The following ZDHHC3 variants were observed in gnomAD, a reference collection of about 807,000 sequenced individuals.
ZDHHC3 encodes zDHHC palmitoyltransferase 3.
A neutral mutation model predicts 30.6 loss-of-function variants in ZDHHC3; 9 were observed. That is an observed-to-expected ratio of 0.29 (90% CI 0.18 to 0.51). The LOEUF (loss-of-function observed/expected upper bound fraction) is 0.51. Ranked by LOEUF, ZDHHC3 falls within the 20% of genes least tolerant of loss-of-function variation. The pLI is 0.97. For missense variants in ZDHHC3, 246 were observed against 384.2 expected (o/e 0.64, Z 3.01); for synonymous variants, 136 against 140.2 (o/e 0.97, Z 0.21).
intron 6 of ZDHHC3, among the ~76,000 whole-genome samples, chr3:44,928,521 T>C (rs1575782402): frequency 6.6e-6 from 1 of 152,162 alleles, no homozygotes; most frequent in East Asian, 1.9e-4. Context: ...ACCTCATGGC[T>C]CTGCTTGTTC....
intron 2 of ZDHHC3, among the ~76,000 whole-genome samples, chr3:44,955,460 T>C (rs1703861935): frequency 6.8e-6 from 1 of 146,718 alleles, no homozygotes; most frequent in African/African-American, 2.5e-5. Flanking sequence ...AAGGTTTTTA[T>C]ATATATATAT....
intron 1 of ZDHHC3, among the ~76,000 whole-genome samples, chr3:44,964,337 A>G (rs1704742980): frequency 6.6e-6 from 1 of 152,226 alleles, no homozygotes; most frequent in South Asian, 2.1e-4. Context: ...CAAGTGAAGC[A>G]TACTGCTTAC....
rs1700355104 is a variant in ZDHHC3, at chr3:44,918,409, C to T, written c.*8280G>A. On this transcript the variant is annotated 3_prime_UTR_variant, in exon 7 of 7. Coordinates refer to ENST00000424952, the MANE Select transcript of ZDHHC3 (RefSeq NM_001135179.2). ...CTGGTGGACTGACGTGTTCTCCACC[C>T]ACCACCCAGCCCTCCCCTTCTTTCC... 1 of 985,238 alleles carries T rather than the reference C, an allele frequency of 1.0e-6. No individual in the cohort carries two copies. The highest frequency in any genetic ancestry group is 6.2e-5 in the Admixed American group (1 of 16,246). The allele number at this position is 985,238 out of a possible 1,614,324, so 61.0% of individuals were successfully genotyped here. A position where few individuals can be genotyped will look rare whatever the true frequency, so the allele number is the denominator to read the frequency against.
intron 6 of ZDHHC3, 88 bp from the exon 7 acceptor site, chr3:44,926,935 G>A (rs1701042202): frequency 4.2e-6 from 6 of 1,438,654 alleles, no homozygotes; most frequent in Admixed American, 2.6e-5. Context: ...GGTGAATGGA[G>A]TAAATGTTTC....
At chr3:44,947,843 A>G (rs956559477) in intron 2 of ZDHHC3, among the ~76,000 whole-genome samples, 2 of 152,206 alleles carry the variant, frequency 1.3e-5, no homozygotes, top group African/African-American at 4.8e-5. Context: ...GTATGACACA[A>G]AGTGAAAGGT....
At chr3:44,929,509 G>A (rs1701305342) in intron 5 of ZDHHC3, 73 bp from the exon 6 acceptor site, 4 of 1,581,006 alleles carry the variant, frequency 2.5e-6, no homozygotes, top group Non-Finnish European at 3.4e-6. Flanking sequence ...TGCCCCACTA[G>A]GCGCCCACTC....
In ZDHHC3 at chr3:44,926,080, C is replaced by A; in HGVS notation, c.*609G>T. ...CTCCCCCGCAAAATCATTCTACACACCCCAAGCCCATAAAGTACAAGGCAG... is the reference window on the plus strand; with the variant it reads ...CTCCCCCGCAAAATCATTCTACACAACCCAAGCCCATAAAGTACAAGGCAG... On this transcript the variant is annotated 3_prime_UTR_variant, in exon 7 of 7. Coordinates refer to ENST00000424952, the MANE Select transcript of ZDHHC3 (RefSeq NM_001135179.2). The A allele has an allele frequency of 1.0e-6, 1 of 985,906 alleles. No individual in the cohort carries two copies. The allele number at this position is 985,906 out of a possible 1,614,324, so 61.1% of individuals were successfully genotyped here. A position where few individuals can be genotyped will look rare whatever the true frequency, so the allele number is the denominator to read the frequency against.
In ZDHHC3 at chr3:44,947,502, T is replaced by C. The variant is rs138762433; in HGVS notation, c.307-2210A>G. On this transcript the variant is annotated intron_variant, in intron 2 of 6. Coordinates refer to ENST00000424952, the MANE Select transcript of ZDHHC3 (RefSeq NM_001135179.2). ...GACTCATCTTATCTAATTCCCAGCATTACTGAGAAGGTTAAACTAGACATA... is the reference window on the plus strand; with the variant it reads ...GACTCATCTTATCTAATTCCCAGCACTACTGAGAAGGTTAAACTAGACATA... Among the ~76,000 whole-genome samples the C allele has an allele frequency of 7.6e-4, 116 of 152,312 alleles. 5 individuals are homozygous for C. The East Asian group carries it at 0.014, about 18-fold the overall frequency.
At position 44,976,165 on chromosome 3, in the gene ZDHHC3, C is replaced by T. The variant is rs1705986575; in HGVS notation, c.-257G>A. On this transcript the variant is annotated 5_prime_UTR_variant, in exon 1 of 7. Coordinates refer to ENST00000424952, the MANE Select transcript of ZDHHC3 (RefSeq NM_001135179.2). ...CGGCCGCGGCTGCAGGAGCGGCCGCCGCGCAGGTTGATGACGCGCTGACGC... is the reference window on the plus strand; with the variant it reads ...CGGCCGCGGCTGCAGGAGCGGCCGCTGCGCAGGTTGATGACGCGCTGACGC... 2.1e-6 allele frequency: 2 copies of T among 951,196 alleles called. No homozygotes were observed. The highest frequency in any genetic ancestry group is 3.0e-5 in the South Asian group (1 of 32,982). The allele number at this position is 951,196 out of a possible 1,614,324, so 58.9% of individuals were successfully genotyped here.
In ZDHHC3 at chr3:44,933,991, C is replaced by G. The variant is rs1478366365; in HGVS notation, c.432-7G>C. 6.2e-7 allele frequency: 1 copy of G among 1,614,134 alleles called. No individual in the cohort carries two copies. The highest frequency in any genetic ancestry group is 1.3e-5 in the African/African-American group (1 of 75,050). Reference sequence around the variant, plus strand: ...AATGCACCGCTTACAAACACTGAAACAGCCCACAGGTCAGACCTTTAGGGC... The same window carrying G: ...AATGCACCGCTTACAAACACTGAAAGAGCCCACAGGTCAGACCTTTAGGGC... On this transcript the variant is annotated splice_polypyrimidine_tract_variant and splice_region_variant and intron_variant, in intron 3 of 6. Transcript: ENST00000424952.
intron 4 of ZDHHC3, chr3:44,933,596 G>T: frequency 1.8e-6 from 1 of 544,314 alleles, no homozygotes; most frequent in Non-Finnish European, 3.3e-6. Flanking sequence ...AGGATTTGAG[G>T]TCATCACCCA....
chr3:44,958,701 G>A (rs1334452815), intron 2 of ZDHHC3: 3 of 1,533,466 alleles, frequency 2.0e-6, no homozygotes, highest in Non-Finnish European at 2.6e-6. Flanking sequence ...ATTGGATGTG[G>A]CTTTAATTTC....
rs371409476 is a variant in ZDHHC3 at position 44,926,836 on chromosome 3, T to C, written c.753A>G (p.Gln251=). ...SICTDETGIE[Q]LKKEERRWAK... ...CCCATCTTCTCTCTTCCTTTTTCAA[T>C]TGTTCTATTCCCTGAAAACAAGAAC... is the stretch of plus-strand genomic sequence containing the variant. The change falls in exon 7 of 7, where the codon CAA becomes CAG. Residue 251 remains glutamine (Q), a synonymous_variant. Coordinates refer to ENST00000424952, the MANE Select transcript of ZDHHC3 (RefSeq NM_001135179.2). 4.5e-5 allele frequency: 72 copies of C among 1,609,092 alleles called. No individual in the cohort carries two copies. Among genetic ancestry groups the C allele is most frequent in the Non-Finnish European group, 5.3e-5 (63 of 1,177,796 alleles).
At chr3:44,935,631 A>C (rs1425980136) in intron 3 of ZDHHC3, among the ~76,000 whole-genome samples, 1 of 152,220 alleles carries the variant, frequency 6.6e-6, no homozygotes, top group African/African-American at 2.4e-5. Flanking sequence ...GGAATGACAC[A>C]CACCCTATAG....
intron 1 of ZDHHC3, among the ~76,000 whole-genome samples, chr3:44,972,280 T>C (rs1036297208): frequency 6.6e-6 from 1 of 152,150 alleles, no homozygotes; most frequent in Non-Finnish European, 1.5e-5. Context: ...CTGACCAACA[T>C]GGCCAAACCC....
intron 3 of ZDHHC3, among the ~76,000 whole-genome samples, chr3:44,939,936 GC>G (rs1702297708): frequency 6.6e-6 from 1 of 152,170 alleles, no homozygotes; most frequent in Non-Finnish European, 1.5e-5. Context: ...TTCTCCTTGG[GC>G]CAGGTGGTAT....
intron 3 of ZDHHC3, among the ~76,000 whole-genome samples, chr3:44,944,711 A>G (rs149832944): frequency 2.4e-4 from 36 of 152,366 alleles, no homozygotes; most frequent in African/African-American, 7.5e-4. Flanking sequence ...TAATTCTGCA[A>G]CTATCATAAC....
chr3:44,950,115 G>T (rs1703310281), intron 2 of ZDHHC3, among the ~76,000 whole-genome samples: 1 of 152,206 alleles, frequency 6.6e-6, no homozygotes, highest in Non-Finnish European at 1.5e-5. Context: ...GATTACAGGG[G>T]TGTGAGCCAT....
chr3:44,941,306 G>C (rs1477109680), intron 3 of ZDHHC3, among the ~76,000 whole-genome samples: 1 of 152,142 alleles, frequency 6.6e-6, no homozygotes, highest in Non-Finnish European at 1.5e-5. Flanking sequence ...GCTCAGAAAC[G>C]ATTTTGGGAA....
Sources: allele counts gnomAD v4.1 joint callset (sites outside exome capture counted in the v4.1 genomes callset), GRCh38; gene constraint gnomAD v4.1.1; transcripts MANE v1.5; gene names NCBI Gene and HGNC (gene_info 2026-07-23, HGNC 2026-07-21).